MCPH1: variants seen among roughly 807,000 people sequenced by gnomAD.
MCPH1 encodes microcephalin 1.
In MCPH1, 104 loss-of-function variants were observed where a neutral mutation model predicts 84.5. The ratio of observed to expected loss-of-function variants is 1.23; its 90% CI spans 1.05 to 1.45. MCPH1 has a LOEUF of 1.45. Ranked by LOEUF, MCPH1 falls within the 40% of genes most tolerant of loss-of-function variation. The pLI is 0.00. For missense variants in MCPH1, 1,498 were observed against 1,005.7 expected, an observed-to-expected ratio of 1.49 and a Z score of -6.62; for synonymous variants, 514 against 366.8, an observed-to-expected ratio of 1.40 and a Z score of -4.58.
In MCPH1 at chr8:6,448,423, G is replaced by A. The variant is rs538001666; in HGVS notation, c.1825+2876G>A. Among the ~76,000 whole-genome samples, 355 of 152,368 alleles carry A rather than the reference G, an allele frequency of 2.3e-3. 1 individual carries two copies. The highest frequency in any genetic ancestry group is 4.2e-3 in the Non-Finnish European group (285 of 68,044). ...AGAGGGGTAAGAGCCAGAGCTTTGG[G>A]ACCTTCAGTCTCTGACAAGGCGGGC... is the stretch of plus-strand genomic sequence containing the variant. On this transcript the variant is annotated intron_variant, in intron 8 of 13. Coordinates refer to ENST00000344683, the MANE Select transcript of MCPH1 (RefSeq NM_024596.5).
chr8:6,463,644 A>C lies in MCPH1; in HGVS notation c.1935+8392A>C, dbSNP rs146281215. Among the ~76,000 whole-genome samples, 8 of 152,296 alleles carry C rather than the reference A, an allele frequency of 5.3e-5. No individual in the cohort carries two copies. In the East Asian group the frequency reaches 1.5e-3, roughly 29 times the overall value. On this transcript the variant is annotated intron_variant, in intron 9 of 13. Coordinates refer to ENST00000344683, the MANE Select transcript of MCPH1 (RefSeq NM_024596.5). ...GGCCTAGCCCAGATGCAGTGTGGCC[A>C]GGCCAGCTAGGGGCAGGAGGAAAGA...
At chr8:6,537,226 T>A (rs566125682) in intron 12 of MCPH1, among the ~76,000 whole-genome samples, 4 of 152,266 alleles carry the variant, frequency 2.6e-5, no homozygotes, top group African/African-American at 9.6e-5. Flanking sequence ...AGAGGATTAT[T>A]CCATGAGCGT....
chr8:6,546,539 C>T (rs1425920536), intron 12 of MCPH1, among the ~76,000 whole-genome samples: 1 of 151,932 alleles, frequency 6.6e-6, no homozygotes, highest in Non-Finnish European at 1.5e-5. Flanking sequence ...AATAAAGGAT[C>T]TTTTTTTAAA....
chr8:6,624,346 A>C (rs3739386), intron 13 of MCPH1, among the ~76,000 whole-genome samples: 15,357 of 152,072 alleles, frequency 0.1, 1,191 homozygotes, highest in East Asian at 0.38. Flanking sequence ...TGTGCTGCAG[A>C]CCTCACCCAT....
At chr8:6,476,916 C>T (rs949276416) in intron 9 of MCPH1, among the ~76,000 whole-genome samples, 1 of 152,034 alleles carries the variant, frequency 6.6e-6, no homozygotes, top group Non-Finnish European at 1.5e-5. Context: ...GAATATACTG[C>T]CAAATTGTTA....
At chr8:6,579,063 C>G (rs1827340997) in intron 12 of MCPH1, among the ~76,000 whole-genome samples, 2 of 152,158 alleles carry the variant, frequency 1.3e-5, no homozygotes, top group South Asian at 4.1e-4. Flanking sequence ...GAGGCTGCTT[C>G]CCGATATTGA....
intron 12 of MCPH1, among the ~76,000 whole-genome samples, chr8:6,557,807 A>C (rs1824885381): frequency 1.3e-5 from 2 of 152,154 alleles, no homozygotes; most frequent in South Asian, 4.1e-4. Context: ...GCTAATTGGA[A>C]AACAGTCTGT....
intron 11 of MCPH1, 115 bp downstream of exon 11, chr8:6,480,991 C>G (rs1241886045): frequency 5.6e-6 from 7 of 1,245,046 alleles, no homozygotes; most frequent in Non-Finnish European, 6.9e-6. Context: ...GATCTGCACA[C>G]TTTCCTGTGA....
intron 12 of MCPH1, among the ~76,000 whole-genome samples, chr8:6,537,379 G>A (rs1820696681): frequency 6.6e-6 from 1 of 152,008 alleles, no homozygotes; most frequent in African/African-American, 2.4e-5. Flanking sequence ...CAGAACTCAA[G>A]TGAGTTATGC....
chr8:6,503,359 G>T, intron 12 of MCPH1: 3 of 1,286,988 alleles, frequency 2.3e-6, no homozygotes, highest in Non-Finnish European at 3.3e-6. Context: ...CACACTGCAG[G>T]CGTGTGGAGT....
At position 6,417,525 on chromosome 8, in the gene MCPH1, T is replaced by C. The variant is rs1040394189; in HGVS notation, c.233+2642T>C. Reference sequence around the variant, plus strand: ...CTTCTTCATTATTGTTCAGTCTTTTTTTTTCTCCTCAGATTGATCTTTTTT... The same window carrying C: ...CTTCTTCATTATTGTTCAGTCTTTTCTTTTCTCCTCAGATTGATCTTTTTT... On this transcript the variant is annotated intron_variant, in intron 3 of 13. Coordinates refer to ENST00000344683, the MANE Select transcript of MCPH1 (RefSeq NM_024596.5). Among the ~76,000 whole-genome samples the C allele has an allele frequency of 2.4e-4, 37 of 152,226 alleles. 1 individual carries two copies. The highest frequency in any genetic ancestry group is 1.0e-3 in the South Asian group (5 of 4,834).
chr8:6,475,439 C>T (rs1223789606), intron 9 of MCPH1, among the ~76,000 whole-genome samples: 18 of 152,238 alleles, frequency 1.2e-4, no homozygotes, highest in Non-Finnish European at 2.4e-4. Flanking sequence ...GCCTGACCAT[C>T]GCTCTGGTGC....
intron 12 of MCPH1, among the ~76,000 whole-genome samples, chr8:6,520,473 G>T (rs538718677): frequency 6.6e-6 from 1 of 151,820 alleles, no homozygotes; most frequent in Non-Finnish European, 1.5e-5. Context: ...TCAGCTTACC[G>T]CATCCTCCTC....
At chr8:6,465,610 C>T (rs1413607083) in intron 9 of MCPH1, among the ~76,000 whole-genome samples, 8 of 152,076 alleles carry the variant, frequency 5.3e-5, no homozygotes, top group Admixed American at 2.0e-4. Context: ...TGTGGCTGGA[C>T]GCATCTTCTG....
intron 8 of MCPH1, among the ~76,000 whole-genome samples, chr8:6,453,590 C>T (rs1057244906): frequency 6.6e-5 from 10 of 152,116 alleles, no homozygotes; most frequent in East Asian, 3.8e-4. Context: ...CAGAGCACTA[C>T]GTCCCAAATT....
At chr8:6,450,877 G>C (rs112736825) in intron 8 of MCPH1, among the ~76,000 whole-genome samples, 1,792 of 152,048 alleles carry the variant, frequency 0.012, 38 homozygotes, top group African/African-American at 0.042. Context: ...TGAGTAGCTG[G>C]GACTACAGAC....
Position 6,436,115 on chromosome 8 carries a change from A to T in MCPH1, c.389A>T (p.Lys130Ile). 6.2e-7 allele frequency: 1 copy of T among 1,613,904 alleles called. No individual in the cohort carries two copies. The highest frequency in any genetic ancestry group is 8.5e-7 in the Non-Finnish European group (1 of 1,179,858). Residue 130 changes from lysine (K) to isoleucine (I), a missense_variant, in exon 5 of 14, where the codon AAA becomes ATA. Physicochemically the swap from Lys to Ile is moderately radical, Grantham distance 102 (BLOSUM62 -3). Coordinates refer to ENST00000344683, the MANE Select transcript of MCPH1 (RefSeq NM_024596.5). ...TPENDKRFQKKFEKMAKELQR... is the reference protein window; with the variant it reads ...TPENDKRFQKIFEKMAKELQR... ...GAAAATGATAAGAGATTTCAGAAGA[A>T]ATTTGAGAAAATGGCTAAAGAGCTA...
At chr8:6,550,405 G>A (rs536926902) in intron 12 of MCPH1, among the ~76,000 whole-genome samples, 1 of 152,212 alleles carries the variant, frequency 6.6e-6, no homozygotes, top group Non-Finnish European at 1.5e-5. Flanking sequence ...CGGTGACCCC[G>A]TCTCTACAGC....
At chr8:6,519,686 G>C (rs1355370819) in intron 12 of MCPH1, among the ~76,000 whole-genome samples, 3 of 152,218 alleles carry the variant, frequency 2.0e-5, no homozygotes, top group Admixed American at 6.5e-5. Flanking sequence ...CTGCACAGCA[G>C]CGGCACTTAG....
Sources: gnomAD v4.1 joint callset for allele counts (sites outside exome capture counted in the v4.1 genomes callset) on GRCh38, gnomAD v4.1.1 for gene constraint, MANE v1.5 for transcripts, NCBI Gene and HGNC (gene_info 2026-07-23, HGNC 2026-07-21) for gene names.